Variants in PCCA observed in about 807,000 individuals in gnomAD.
PCCA encodes the protein propionyl-CoA carboxylase subunit alpha.
A neutral mutation model predicts 101.3 loss-of-function variants in PCCA; 74 were observed. That is an observed-to-expected ratio of 0.73 (90% CI 0.61 to 0.89). PCCA has a LOEUF of 0.89. PCCA is among the 40% of genes least tolerant of loss of function. The pLI, the probability that PCCA is intolerant of heterozygous loss-of-function variation, is 0.00. For synonymous variants in PCCA, 294 were observed against 313.6 expected (o/e 0.94, Z 0.66); for missense variants, 891 against 907.0 (o/e 0.98, Z 0.23).
intron 19 of PCCA, among the ~76,000 whole-genome samples, chr13:100,369,679 A>AAAG (rs2075438837): frequency 6.6e-6 from 1 of 152,198 alleles, no homozygotes; most frequent in Non-Finnish European, 1.5e-5. Flanking sequence ...GAAACGTTAG[A>AAAG]TACTGAAAGA....
chr13:100,202,728 GTAT>G (rs1045424094), intron 6 of PCCA, among the ~76,000 whole-genome samples: 35 of 149,614 alleles, frequency 2.3e-4, no homozygotes, highest in Middle Eastern at 3.4e-3. Context: ...CTCATCTTCT[GTAT>G]TATTTATTCA....
intron 16 of PCCA, among the ~76,000 whole-genome samples, chr13:100,323,372 AGTACAATGGTGCG>A (rs1046299655): frequency 4.0e-5 from 6 of 151,688 alleles, no homozygotes; most frequent in African/African-American, 1.5e-4. Flanking sequence ...CCCAGGCTGG[AGTACAATGGTGCG>A]GTCTCGGCTC....
At chr13:100,431,215 A>G (rs1012228015) in intron 20 of PCCA, among the ~76,000 whole-genome samples, 1 of 152,186 alleles carries the variant, frequency 6.6e-6, no homozygotes, top group Non-Finnish European at 1.5e-5. Flanking sequence ...CATTGAAAAT[A>G]TATATTTATT....
At chr13:100,359,605 CTAGT>C (rs1258594776) in intron 18 of PCCA, among the ~76,000 whole-genome samples, 1 of 152,162 alleles carries the variant, frequency 6.6e-6, no homozygotes, top group Non-Finnish European at 1.5e-5. Context: ...GACACCGTCA[CTAGT>C]TAGAGTATGA....
At chr13:100,458,294 T>TAC (rs57961819) in intron 21 of PCCA, among the ~76,000 whole-genome samples, 3,567 of 86,152 alleles carry the variant, frequency 0.041, 103 homozygotes, top group East Asian at 0.049. Context: ...ACCCCATCTC[T>TAC]ACACACACAC....
At chr13:100,121,633 C>A (rs1216911277) in intron 4 of PCCA, among the ~76,000 whole-genome samples, 1 of 151,746 alleles carries the variant, frequency 6.6e-6, no homozygotes, top group Non-Finnish European at 1.5e-5. Flanking sequence ...TGCCACCACA[C>A]CCGGCTAATT....
At chr13:100,306,109 G>T (rs2066424860) in intron 14 of PCCA, among the ~76,000 whole-genome samples, 1 of 152,184 alleles carries the variant, frequency 6.6e-6, no homozygotes, top group African/African-American at 2.4e-5. Flanking sequence ...TCTACATGTG[G>T]TCCCTTGATA....
chr13:100,278,903 T>C (rs2063867738), intron 12 of PCCA, among the ~76,000 whole-genome samples: 1 of 152,192 alleles, frequency 6.6e-6, no homozygotes, highest in Admixed American at 6.5e-5. Context: ...TATAAAAATA[T>C]TTCAAGAAAA....
chr13:100,305,765 G>A, intron 14 of PCCA: 2 of 415,500 alleles, frequency 4.8e-6, no homozygotes, highest in Non-Finnish European at 9.7e-6. Context: ...TGTCAACACT[G>A]TGAATTTCAT....
At chr13:100,094,016 G>C (rs1218420790) in intron 1 of PCCA, among the ~76,000 whole-genome samples, 1 of 152,018 alleles carries the variant, frequency 6.6e-6, no homozygotes, top group Non-Finnish European at 1.5e-5. Context: ...ATCACCTGAG[G>C]TCGGGAGTTC....
chr13:100,303,125 GT>G, intron 14 of PCCA, 127 bp downstream of exon 14: 1 of 748,030 alleles, frequency 1.3e-6, no homozygotes, highest in East Asian at 2.6e-5. Flanking sequence ...GGGAATCATG[GT>G]TTTTGTGTTG....
chr13:100,334,208 C>T (rs1317474564), intron 17 of PCCA, among the ~76,000 whole-genome samples: 1 of 152,226 alleles, frequency 6.6e-6, no homozygotes, highest in African/African-American at 2.4e-5. Context: ...CGGGGACTCT[C>T]TCCATGGGAG....
chr13:100,212,663 C>T (rs1043547168), intron 7 of PCCA, among the ~76,000 whole-genome samples: 4 of 152,082 alleles, frequency 2.6e-5, no homozygotes, highest in African/African-American at 9.7e-5. Flanking sequence ...TTCTTGCTTC[C>T]ATCCAATTAA....
chr13:100,174,651 CTGGAAGGTGGAGG>C (rs1016877049), intron 6 of PCCA, among the ~76,000 whole-genome samples: 3 of 148,436 alleles, frequency 2.0e-5, no homozygotes, highest in African/African-American at 7.5e-5. Context: ...TTGCTTGGAC[CTGGAAGGTGGAGG>C]TTGCAGTGAG....
At chr13:100,262,341 C>T (rs1436129037) in intron 9 of PCCA, among the ~76,000 whole-genome samples, 1 of 151,788 alleles carries the variant, frequency 6.6e-6, no homozygotes, top group Non-Finnish European at 1.5e-5. Context: ...TTGCAGTGAG[C>T]TGAGATCCTG....
At chr13:100,444,720 C>T (rs564370530) in intron 20 of PCCA, among the ~76,000 whole-genome samples, 9 of 152,106 alleles carry the variant, frequency 5.9e-5, no homozygotes, top group South Asian at 2.1e-4. Flanking sequence ...GGATTACAGG[C>T]GTGAGCCACT....
intron 6 of PCCA, among the ~76,000 whole-genome samples, chr13:100,200,339 C>T (rs983845696): frequency 2.6e-5 from 4 of 152,130 alleles, no homozygotes; most frequent in Non-Finnish European, 5.9e-5. Context: ...TTCCTGACCT[C>T]GTGATCCACC....
At chr13:100,213,477 A>T (rs950885377) in intron 7 of PCCA, among the ~76,000 whole-genome samples, 13 of 152,176 alleles carry the variant, frequency 8.5e-5, no homozygotes, top group African/African-American at 3.1e-4. Context: ...TTCTCTGATG[A>T]TCAGTGATGT....
At chr13:100,193,122 A>G (rs2152452268) in intron 6 of PCCA, among the ~76,000 whole-genome samples, 1 of 152,350 alleles carries the variant, frequency 6.6e-6, no homozygotes, top group Admixed American at 6.5e-5. Context: ...TTGAAAAAGC[A>G]GAGGCCACTT....
Sources: allele counts gnomAD v4.1 joint callset (sites outside exome capture counted in the v4.1 genomes callset), GRCh38; gene constraint gnomAD v4.1.1; transcripts MANE v1.5; gene names NCBI Gene and HGNC (gene_info 2026-07-23, HGNC 2026-07-21).